PHF24: variants seen among roughly 807,000 people sequenced by gnomAD.
PHF24 encodes Galpha inhibitory interacting protein.
PHF24 carries 25 observed loss-of-function variants against 42.6 expected under a neutral mutation model. That is an observed-to-expected ratio of 0.59 (90% CI 0.43 to 0.82). PHF24 has a LOEUF of 0.82. PHF24 is among the 40% of genes least tolerant of loss of function. The pLI is 0.00. For synonymous variants in PHF24, 185 were observed against 204.8 expected, an observed-to-expected ratio of 0.90 and a Z score of 0.83; for missense variants, 470 against 538.1, an observed-to-expected ratio of 0.87 and a Z score of 1.25.
the PHF24 span, chr9:34,837,507 A>G: frequency 4.8e-6 from 3 of 619,744 alleles, no homozygotes; most frequent in African/African-American, 3.7e-5. Context: ...CCAAGGTAAG[A>G]TTTCCCACCC....
chr9:34,854,076 T>C, the PHF24 span, among the ~76,000 whole-genome samples: 1 of 152,154 alleles, frequency 6.6e-6, no homozygotes, highest in Non-Finnish European at 1.5e-5. Flanking sequence ...GAGGTGTTTA[T>C]AGTATTCTCT....
the PHF24 span, among the ~76,000 whole-genome samples, chr9:34,732,823 C>T: frequency 6.6e-6 from 1 of 152,008 alleles, no homozygotes; most frequent in Admixed American, 6.6e-5. Context: ...TACTGTTTTC[C>T]CTTTTCTTTT....
At chr9:34,891,736 G>C in the PHF24 span, among the ~76,000 whole-genome samples, 2 of 152,188 alleles carry the variant, frequency 1.3e-5, no homozygotes, top group African/African-American at 4.8e-5. Flanking sequence ...CCCAATCAAA[G>C]AGTGTCCTGG....
At chr9:34,854,212 CA>C in the PHF24 span, among the ~76,000 whole-genome samples, 8 of 69,530 alleles carry the variant, frequency 1.2e-4, no homozygotes, top group African/African-American at 2.4e-4. Context: ...TTTTTTTTTT[CA>C]AAAAAAATCA....
At chr9:34,884,344 G>A in the PHF24 span, among the ~76,000 whole-genome samples, 1 of 152,134 alleles carries the variant, frequency 6.6e-6, no homozygotes, top group African/African-American at 2.4e-5. Context: ...TGCACATTGT[G>A]CACATGTACC....
the PHF24 span, among the ~76,000 whole-genome samples, chr9:34,847,674 G>T: frequency 6.7e-6 from 1 of 149,914 alleles, no homozygotes; most frequent in Non-Finnish European, 1.5e-5. Flanking sequence ...TCCCTGTCTT[G>T]TGCCAGTTTT....
the PHF24 span, among the ~76,000 whole-genome samples, chr9:34,768,524 T>C: frequency 6.6e-6 from 1 of 152,182 alleles, no homozygotes; most frequent in African/African-American, 2.4e-5. Flanking sequence ...AAAAAATCTG[T>C]AAAATGGAGC....
At chr9:34,786,320 A>T in the PHF24 span, among the ~76,000 whole-genome samples, 1 of 152,220 alleles carries the variant, frequency 6.6e-6, no homozygotes. Context: ...TCTACTATAA[A>T]TATTCAAATC....
the PHF24 span, among the ~76,000 whole-genome samples, chr9:34,675,931 A>G: frequency 6.6e-6 from 1 of 152,206 alleles, no homozygotes; most frequent in Non-Finnish European, 1.5e-5. Flanking sequence ...GAGAAAGGAC[A>G]TTCCAGACAG....
chr9:34,870,713 G>A, the PHF24 span, among the ~76,000 whole-genome samples: 1 of 152,028 alleles, frequency 6.6e-6, no homozygotes, highest in African/African-American at 2.4e-5. Flanking sequence ...GACCACAGGT[G>A]CACACCACTA....
At chr9:34,976,102 C>A in intron 3 of PHF24, 50 bp from the exon 4 acceptor site, 1 of 1,358,320 alleles carries the variant, frequency 7.4e-7, no homozygotes, top group Non-Finnish European at 1.1e-6. Flanking sequence ...TGACCCTGGC[C>A]TTTCTTACTG....
At chr9:34,840,927 G>A in the PHF24 span, among the ~76,000 whole-genome samples, 1 of 152,110 alleles carries the variant, frequency 6.6e-6, no homozygotes, top group Non-Finnish European at 1.5e-5. Flanking sequence ...CTGGGTCAAA[G>A]GGTGTGTGCA....
chr9:34,800,369 A>T, the PHF24 span, among the ~76,000 whole-genome samples: 1 of 152,196 alleles, frequency 6.6e-6, no homozygotes, highest in Admixed American at 6.5e-5. Flanking sequence ...AAAATGAAAC[A>T]GGGAAAACTA....
the PHF24 span, among the ~76,000 whole-genome samples, chr9:34,680,617 G>A: frequency 4.1e-5 from 6 of 147,912 alleles, no homozygotes; most frequent in African/African-American, 1.2e-4. Context: ...GAACCCGGGA[G>A]GCGGAGCTTG....
chr9:34,873,841 G>C, the PHF24 span, among the ~76,000 whole-genome samples: 1 of 149,570 alleles, frequency 6.7e-6, no homozygotes, highest in Non-Finnish European at 1.5e-5. Flanking sequence ...CCATGAGCAT[G>C]GAATGTTCTT....
chr9:34,829,256 A>G, the PHF24 span, among the ~76,000 whole-genome samples: 1 of 152,150 alleles, frequency 6.6e-6, no homozygotes, highest in Admixed American at 6.5e-5. Flanking sequence ...AAATACCATG[A>G]TTGGAGCAGA....
chr9:34,837,740 A>G, the PHF24 span: 7 of 1,332,928 alleles, frequency 5.3e-6, no homozygotes, highest in Non-Finnish European at 7.4e-6. Flanking sequence ...CTGGGACACC[A>G]TTTTCTTTCT....
the PHF24 span, among the ~76,000 whole-genome samples, chr9:34,827,811 C>T: frequency 2.0e-5 from 3 of 152,074 alleles, no homozygotes; most frequent in Non-Finnish European, 4.4e-5. Flanking sequence ...CTCCTCCCAC[C>T]CATATAACCT....
At chr9:34,851,106 A>G in the PHF24 span, among the ~76,000 whole-genome samples, 69,325 of 151,382 alleles carry the variant, frequency 0.46, 16,810 homozygotes, top group East Asian at 0.66. Context: ...GCTGCATGCT[A>G]GGAGAACCAC....
Sources: gnomAD v4.1 joint callset for allele counts (sites outside exome capture counted in the v4.1 genomes callset) on GRCh38, gnomAD v4.1.1 for gene constraint, MANE v1.5 for transcripts, NCBI Gene and HGNC (gene_info 2026-07-23, HGNC 2026-07-21) for gene names.